The following CIT variants were observed in gnomAD, a reference collection of about 807,000 sequenced individuals.
CIT encodes the protein citron Rho-interacting kinase.
Under a neutral mutation model 272.7 loss-of-function variants are expected in CIT, and 79 were observed. The observed-to-expected ratio is 0.29, with a 90% CI of 0.24 to 0.35. The LOEUF (loss-of-function observed/expected upper bound fraction) is 0.35, where lower values mean the gene tolerates loss of function less well. CIT is among the 10% of genes least tolerant of loss of function. CIT has a pLI of 1.00. For synonymous variants in CIT, 948 were observed against 995.6 expected (o/e 0.95, Z 0.90); for missense variants, 1,909 against 2,618.3 (o/e 0.73, Z 5.91).
intron 23 of CIT, among the ~76,000 whole-genome samples, chr12:119,749,418 G>A (rs1037186058): frequency 2.6e-5 from 4 of 152,078 alleles, no homozygotes; most frequent in Admixed American, 6.5e-5. Flanking sequence ...GACCATTTTC[G>A]CTTTTTCTTG....
At chr12:119,765,947 G>A (rs1962406745) in intron 19 of CIT, among the ~76,000 whole-genome samples, 1 of 152,188 alleles carries the variant, frequency 6.6e-6, no homozygotes, top group African/African-American at 2.4e-5. Context: ...TCCCATGTTT[G>A]CTGCAGTACT....
intron 2 of CIT, among the ~76,000 whole-genome samples, chr12:119,869,877 C>A (rs1177352448): frequency 6.6e-6 from 1 of 152,198 alleles, no homozygotes; most frequent in Non-Finnish European, 1.5e-5. Context: ...CGCCTTCCTG[C>A]CTGATGACGC....
chr12:119,839,467 GTTC>G (rs1969250236), intron 5 of CIT, among the ~76,000 whole-genome samples: 1 of 152,200 alleles, frequency 6.6e-6, no homozygotes, highest in Non-Finnish European at 1.5e-5. Flanking sequence ...TCTGCCCAAT[GTTC>G]CTGATCTTTG....
chr12:119,742,325 C>A, intron 24 of CIT, 86 bp downstream of exon 24: 1 of 933,904 alleles, frequency 1.1e-6, no homozygotes, highest in South Asian at 2.1e-5. Flanking sequence ...AAAACTCAGT[C>A]ACCAATATTT....
chr12:119,864,304 T>G (rs1950454294), intron 3 of CIT, among the ~76,000 whole-genome samples: 1 of 152,126 alleles, frequency 6.6e-6, no homozygotes, highest in South Asian at 2.1e-4. Flanking sequence ...GTTTTTTTGT[T>G]GTGGTGGTGG....
chr12:119,767,298 G>A, intron 18 of CIT, 116 bp from the exon 19 acceptor site: 2 of 711,720 alleles, frequency 2.8e-6, no homozygotes, highest in South Asian at 4.8e-5. Context: ...CGGTCATCTG[G>A]TCCTCCATTA....
intron 13 of CIT, among the ~76,000 whole-genome samples, chr12:119,778,652 C>A (rs1964012958): frequency 6.6e-6 from 1 of 152,002 alleles, no homozygotes; most frequent in Non-Finnish European, 1.5e-5. Flanking sequence ...GCCCCCCCCC[C>A]AGAGCATATT....
At chr12:119,772,989 G>T (rs1416700916) in intron 16 of CIT, 79 bp from the exon 17 acceptor site, 68 of 945,730 alleles carry the variant, frequency 7.2e-5, no homozygotes, top group East Asian at 1.6e-4. Flanking sequence ...TTCTGCACAT[G>T]TATCCCAGAA....
At chr12:119,702,005 C>A (rs1391498256) in intron 41 of CIT, 47 bp from the exon 42 acceptor site, 3 of 1,407,672 alleles carry the variant, frequency 2.1e-6, no homozygotes, top group Non-Finnish European at 1.0e-6. Context: ...TAACACAGGG[C>A]AGCCAAGGTC....
chr12:119,736,500 C>A (rs1210750203), intron 24 of CIT, among the ~76,000 whole-genome samples: 1 of 152,162 alleles, frequency 6.6e-6, no homozygotes, highest in Non-Finnish European at 1.5e-5. Context: ...GAGCTGATAA[C>A]CTTTTAGTGT....
intron 3 of CIT, among the ~76,000 whole-genome samples, chr12:119,867,180 G>A (rs190521969): frequency 1.5e-3 from 224 of 151,856 alleles, no homozygotes; most frequent in African/African-American, 4.9e-3. Context: ...ACACACAAGA[G>A]GTAATACAAT....
chr12:119,767,212 T>C, intron 18 of CIT, 30 bp from the exon 19 acceptor site: 1 of 1,560,400 alleles, frequency 6.4e-7, no homozygotes, highest in Non-Finnish European at 8.8e-7. Context: ...CAGTCAGGTG[T>C]GCAGAGGGCA....
chr12:119,757,590 T>C (rs1463965211), intron 21 of CIT, 45 bp from the exon 22 acceptor site: 1 of 1,611,156 alleles, frequency 6.2e-7, no homozygotes, highest in Non-Finnish European at 8.5e-7. Flanking sequence ...ACAGTCTCAT[T>C]AGGGTTGAGC....
chr12:119,785,874 C>G (rs575016170), intron 10 of CIT, among the ~76,000 whole-genome samples: 1 of 152,292 alleles, frequency 6.6e-6, no homozygotes, highest in Non-Finnish European at 1.5e-5. Flanking sequence ...GCCACCAAGC[C>G]TGGCATCATC....
Position 119,876,887 on chromosome 12 carries a change from G to A in CIT, c.-14+362C>T, listed in dbSNP as rs115710519. Among the ~76,000 whole-genome samples the A allele has an allele frequency of 7.1e-3, 1,088 of 152,280 alleles. 13 individuals carry two copies. Among genetic ancestry groups the A allele is most frequent in the African/African-American group, 0.025 (1,039 of 41,564 alleles). ...CGGGGTATGAATACGCTGAAACAGA[G>A]AGGTTAAGTAAATGGCTAAGTTCAC... On this transcript the variant is annotated intron_variant, in intron 1 of 47. Transcript: ENST00000392521.
chr12:119,730,009 G>C (rs550515864), intron 27 of CIT, among the ~76,000 whole-genome samples: 1 of 152,064 alleles, frequency 6.6e-6, no homozygotes, highest in African/African-American at 2.4e-5. Context: ...GATGGAACAC[G>C]TGTATTTCCG....
In CIT at chr12:119,794,300, A is replaced by G. The variant is rs185222401; in HGVS notation, c.1295+8906T>C. ...TGAATGAATGAATGAATGAATGAAT[A>G]AATAAGTGAATGGTGTGCTAGTACT... On this transcript the variant is annotated intron_variant, in intron 10 of 47. Transcript: ENST00000392521. Among the ~76,000 whole-genome samples the G allele has an allele frequency of 5.1e-4, 75 of 147,548 alleles. 1 individual carries two copies. Among genetic ancestry groups the G allele is most frequent in the South Asian group, 2.1e-3 (10 of 4,814 alleles).
chr12:119,772,718 C>A lies in CIT; in HGVS notation c.2082+52G>T, dbSNP rs60368920. The A allele has an allele frequency of 4.0e-3, 6,036 of 1,507,336 alleles. 215 individuals are homozygous for A. In the African/African-American group the frequency reaches 0.078, roughly 19 times the overall value. The allele number at this position is 1,507,336 out of a possible 1,614,324, so 93.4% of individuals were successfully genotyped here. On this transcript the variant is annotated intron_variant, in intron 17 of 47. Transcript: ENST00000392521. ...TGGTCTGGCAGTTTCTTTCCTTGGG[C>A]ACAGCCAAAGGCCGAGGCCGCTGGG...
intron 44 of CIT, among the ~76,000 whole-genome samples, chr12:119,699,468 T>C (rs1230742424): frequency 6.6e-6 from 1 of 152,230 alleles, no homozygotes; most frequent in Non-Finnish European, 1.5e-5. Context: ...TTTAAAGTCA[T>C]GGGCTCTGGT....
Sources: gnomAD v4.1 joint callset for allele counts (sites outside exome capture counted in the v4.1 genomes callset) on GRCh38, gnomAD v4.1.1 for gene constraint, MANE v1.5 for transcripts, NCBI Gene and HGNC (gene_info 2026-07-23, HGNC 2026-07-21) for gene names.